Variants in METTL25B observed in about 807,000 individuals in gnomAD.
The protein encoded by METTL25B is methyltransferase like 25B, also known as methyltransferase-like protein 25B.
Under a neutral mutation model 48.4 loss-of-function variants are expected in METTL25B, and 38 were observed. That is an observed-to-expected ratio of 0.78 (90% confidence interval 0.61 to 1.03). METTL25B has a LOEUF of 1.03. METTL25B is among the 50% of genes least tolerant of loss of function. METTL25B has a pLI of 0.00. For missense variants in METTL25B, 537 were observed against 603.7 expected (o/e 0.89, Z 1.16); for synonymous variants, 230 against 254.5 (o/e 0.90, Z 0.92).
In METTL25B at chr1:156,736,811, G is replaced by A. The variant is rs970604715; in HGVS notation, c.*58G>A. On this transcript the variant is annotated 3_prime_UTR_variant, in exon 8 of 8. Transcript: ENST00000368216. ...TCTGAAAGTGCCCAGAGAGCACAGT[G>A]GCAGAGTACATCTCATCCAGAGAAA... 3.2e-6 allele frequency: 5 copies of A among 1,546,682 alleles called. No homozygotes were observed. The African/African-American group carries it at 6.8e-5, about 21-fold the overall frequency.
chr1:156,734,821 G>A (rs61813557), intron 6 of METTL25B, among the ~76,000 whole-genome samples: 38,350 of 132,100 alleles, frequency 0.29, 5,850 homozygotes, highest in Non-Finnish European at 0.37. Context: ...GTGAGCCACC[G>A]CACCCGGCCT....
At chr1:156,732,138 G>T in intron 2 of METTL25B, 23 bp downstream of exon 2, 1 of 1,614,096 alleles carries the variant, frequency 6.2e-7, no homozygotes, top group Non-Finnish European at 8.5e-7. Context: ...AGGTCCCTGT[G>T]CTGGGGAACT....
Position 156,732,120 on chromosome 1 carries a change from G to T in METTL25B, c.236+5G>T, listed in dbSNP as rs926106733. 2 of 1,614,058 alleles carry T rather than the reference G, an allele frequency of 1.2e-6. No homozygotes were observed. The highest frequency in any genetic ancestry group is 2.7e-5 in the African/African-American group (2 of 74,926). The stretch of plus-strand genomic sequence containing the variant: ...TGGGGAAGGGGAGGTCGTCAGGTAT[G>T]GGCTAGAAGGTCCCTGTGCTGGGGA... On this transcript the variant is annotated splice_donor_5th_base_variant and intron_variant, in intron 2 of 7. Transcript: ENST00000368216.
chr1:156,732,025 C>T lies in METTL25B; in HGVS notation c.146C>T (p.Pro49Leu). 6.2e-7 allele frequency: 1 copy of T among 1,614,168 alleles called. No homozygotes were observed. ...ACAGACAACCTATGGGACACACTCC[C>T]TTGCTCATGGCAGGAAGCATTGGAT... ...FFTDNLWDTL[P>L]CSWQEALDGL... The change falls in exon 2 of 8, where the codon CCT becomes CTT. Residue 49 changes from proline to leucine, a missense_variant. Pro to Leu is a moderately conservative substitution (Grantham distance 98). Transcript: ENST00000368216.
chr1:156,736,093 T>G (rs1331067932), intron 7 of METTL25B, 184 bp downstream of exon 7: 5 of 509,870 alleles, frequency 9.8e-6, no homozygotes, highest in African/African-American at 9.7e-5. Context: ...CCAGGCTGGG[T>G]GCGGTGGCTC....
chr1:156,733,785 A>G lies in METTL25B; in HGVS notation c.637-224A>G, dbSNP rs766548080. 6.7e-5 allele frequency: 45 copies of G among 671,856 alleles called. No individual in the cohort carries two copies. The South Asian group carries it at 8.7e-4, about 13-fold the overall frequency. The allele number at this position is 671,856 out of a possible 1,614,324, so 41.6% of individuals were successfully genotyped here. A position where few individuals can be genotyped will look rare whatever the true frequency, so the allele number is the denominator to read the frequency against. ...CAGTCAGGTTTTAGACTTGTTACAA[A>G]TAAGAAAACTGGGTCTCAGATGAAA... On this transcript the variant is annotated intron_variant, in intron 5 of 7. Coordinates refer to ENST00000368216, the MANE Select transcript of METTL25B (RefSeq NM_015997.4).
At chr1:156,729,236 G>T (rs1191999640) in intron 1 of METTL25B, 21 bp downstream of exon 1, 5 of 1,484,944 alleles carry the variant, frequency 3.4e-6, no homozygotes, top group Non-Finnish European at 3.8e-6. Flanking sequence ...AGGGGCGTGG[G>T]TGGGATGTCT....
rs374161808 is a variant in METTL25B at position 156,732,985 on chromosome 1, T to C, written c.430T>C (p.Leu144=). 6 of 1,613,988 alleles carry C rather than the reference T, an allele frequency of 3.7e-6. No individual in the cohort carries two copies. Among genetic ancestry groups the C allele is most frequent in the African/African-American group, 2.7e-5 (2 of 74,940 alleles). ...AGACCTTTGTTTCCTCCTTTTTCAG[T>C]TGGTGAAGAAGCTGAGTGATTTCAC... The part of the protein sequence containing the change: ...KQHEIRRLGE[L]VKKLSDFTGC... Residue 144 remains leucine, a splice_region_variant and synonymous_variant, in exon 4 of 8, where the codon TTG becomes CTG. Coordinates refer to ENST00000368216, the MANE Select transcript of METTL25B (RefSeq NM_015997.4).
chr1:156,734,615 T>G, intron 6 of METTL25B, 122 bp downstream of exon 6: 2 of 1,131,720 alleles, frequency 1.8e-6, no homozygotes, highest in Non-Finnish European at 2.4e-6. Context: ...CACTGCAAGC[T>G]CTGTCTCCTG....
At chr1:156,729,829 G>A (rs562717117) in intron 1 of METTL25B, among the ~76,000 whole-genome samples, 16 of 152,280 alleles carry the variant, frequency 1.1e-4, no homozygotes, top group African/African-American at 3.4e-4. Flanking sequence ...CAGTCTGAAG[G>A]ATTATTGTGA....
In METTL25B at chr1:156,736,633, T is replaced by C; in HGVS notation, c.1308T>C (p.Gly436=). 1 of 1,613,974 alleles carries C rather than the reference T, an allele frequency of 6.2e-7. No individual in the cohort carries two copies. Among genetic ancestry groups the C allele is most frequent in the Non-Finnish European group, 8.5e-7 (1 of 1,179,994 alleles). The change falls in exon 8 of 8, where the codon GGT becomes GGC. Residue 436 remains glycine, a splice_region_variant and synonymous_variant. Transcript: ENST00000368216. ...LDRLLYLQEQ[G]FHAELLPIFS... is the part of the protein sequence containing the mutation. Reference sequence around the variant, plus strand: ...TTATGATTAAGCCCTTTCTCCCAGGTTTCCATGCTGAGCTCCTGCCCATCT... The same window carrying C: ...TTATGATTAAGCCCTTTCTCCCAGGCTTCCATGCTGAGCTCCTGCCCATCT...
At chr1:156,733,228 C>A in intron 4 of METTL25B, 149 bp from the exon 5 acceptor site, 1 of 1,050,772 alleles carries the variant, frequency 9.5e-7, no homozygotes, top group Non-Finnish European at 1.4e-6. Flanking sequence ...TATATACCAA[C>A]TTAAGCCACA....
At chr1:156,735,602 G>GA in intron 6 of METTL25B, 123 bp from the exon 7 acceptor site, 1 of 212,940 alleles carries the variant, frequency 4.7e-6, no homozygotes, top group South Asian at 4.7e-5. Context: ...ATATGTTCAT[G>GA]AAAACGCATA....
chr1:156,736,814 A>G lies in METTL25B; in HGVS notation c.*61A>G. 1.3e-6 allele frequency: 2 copies of G among 1,530,112 alleles called. No individual in the cohort carries two copies. The highest frequency in any genetic ancestry group is 2.3e-5 in the South Asian group (2 of 86,188). The allele number at this position is 1,530,112 out of a possible 1,614,324, so 94.8% of individuals were successfully genotyped here. ...GAAAGTGCCCAGAGAGCACAGTGGCAGAGTACATCTCATCCAGAGAAACAG... is the reference window on the plus strand; with the variant it reads ...GAAAGTGCCCAGAGAGCACAGTGGCGGAGTACATCTCATCCAGAGAAACAG... On this transcript the variant is annotated 3_prime_UTR_variant, in exon 8 of 8. Coordinates refer to ENST00000368216, the MANE Select transcript of METTL25B (RefSeq NM_015997.4).
intron 3 of METTL25B, 66 bp downstream of exon 3, chr1:156,732,539 A>G: frequency 2.7e-6 from 4 of 1,497,050 alleles, no homozygotes; most frequent in South Asian, 2.3e-5. Flanking sequence ...CTGGCTTACA[A>G]ATATGTGTGC....
chr1:156,733,095 G>T, intron 4 of METTL25B, 48 bp downstream of exon 4: 1 of 1,547,094 alleles, frequency 6.5e-7, no homozygotes, highest in South Asian at 1.1e-5. Context: ...TGGGGACATA[G>T]AACACCTGGA....
rs1238370664 is a variant in METTL25B, at chr1:156,728,708, A to C, written c.-397A>C. On this transcript the variant is annotated 5_prime_UTR_variant, in exon 1 of 8. Coordinates refer to ENST00000368216, the MANE Select transcript of METTL25B (RefSeq NM_015997.4). ...CGAAGGTGTGGGAAGGCCGCGATAA[A>C]CCGGAACTGCAGCCCGCCGGACACC... 1 of 993,564 alleles carries C rather than the reference A, an allele frequency of 1.0e-6. No homozygotes were observed. The highest frequency in any genetic ancestry group is 1.2e-6 in the Non-Finnish European group (1 of 834,682). 61.5% of individuals were successfully genotyped at this position (993,564 alleles called of 1,614,324 possible).
rs749119531 is a variant in METTL25B, at chr1:156,733,009, A to G, written c.454A>G (p.Thr152Ala). ...GELVKKLSDF[T>A]GCTQVVDVGS... Reference sequence around the variant, plus strand: ...GTTGGTGAAGAAGCTGAGTGATTTCACAGGCTGCACCCAGGTTGTAGACGT... The same window carrying G: ...GTTGGTGAAGAAGCTGAGTGATTTCGCAGGCTGCACCCAGGTTGTAGACGT... The change falls in exon 4 of 8, where the codon ACA becomes GCA. Residue 152 changes from threonine to alanine, a missense_variant. By Grantham distance (58) the Thr-to-Ala change is moderately conservative (BLOSUM62 0). Coordinates refer to ENST00000368216, the MANE Select transcript of METTL25B (RefSeq NM_015997.4). 1.9e-6 allele frequency: 3 copies of G among 1,614,126 alleles called. No homozygotes were observed. In the South Asian group the frequency reaches 3.3e-5, roughly 18 times the overall value.
In METTL25B at chr1:156,732,595, C is replaced by G. The variant is rs948152630; in HGVS notation, c.429+122C>G. ...CCAGAGGCCCTAGACATTCCTTTAC[C>G]TCAACAGACATAACTAATCATATTT... is the stretch of plus-strand genomic sequence containing the variant. On this transcript the variant is annotated intron_variant, in intron 3 of 7. Transcript: ENST00000368216. 3 of 868,394 alleles carry G rather than the reference C, an allele frequency of 3.5e-6. No homozygotes were observed. The African/African-American group carries it at 5.1e-5, about 15-fold the overall frequency. The allele number at this position is 868,394 out of a possible 1,614,324, so 53.8% of individuals were successfully genotyped here.
Sources: gnomAD v4.1 joint callset for allele counts (sites outside exome capture counted in the v4.1 genomes callset) on GRCh38, gnomAD v4.1.1 for gene constraint, MANE v1.5 for transcripts, NCBI Gene and HGNC (gene_info 2026-07-23, HGNC 2026-07-21) for gene names.